Variants in HSP90AA1 observed in about 807,000 individuals in gnomAD.
HSP90AA1 encodes the protein heat shock protein 90 alpha family class A member 1.
Under a neutral mutation model 73.3 loss-of-function variants are expected in HSP90AA1, and 18 were observed. The ratio of observed to expected loss-of-function variants is 0.25; its 90% CI spans 0.17 to 0.36. HSP90AA1 has a LOEUF of 0.36. Among genes scored for constraint, HSP90AA1 ranks in the 10% least tolerant of loss-of-function variants. HSP90AA1 has a pLI of 1.00. For synonymous variants in HSP90AA1, 477 were observed against 296.9 expected, an observed-to-expected ratio of 1.61 and a Z score of -6.24; for missense variants, 704 against 874.2, an observed-to-expected ratio of 0.81 and a Z score of 2.45.
At chr14:102,088,127 C>G (rs2049294320), upstream of HSP90AA1, among the ~76,000 whole-genome samples, 2 of 151,624 alleles carry the variant, frequency 1.3e-5, no homozygotes, top group African/African-American at 4.8e-5. Context: ...CCACACCTGT[C>G]TAGTTTTTGT....
chr14:102,132,668 A>T (rs774396836), intron 1 of HSP90AA1, among the ~76,000 whole-genome samples: 3 of 152,100 alleles, frequency 2.0e-5, no homozygotes, highest in Non-Finnish European at 4.4e-5. Flanking sequence ...CATAAATATC[A>T]ATACAAGGGG....
chr14:102,084,969 G>A lies in HSP90AA1; in HGVS notation c.693C>T (p.Ser231=), dbSNP rs781371629. ...CTTCCTTTTCTTCAGCCTCATCATC[G>A]CTTACTTCTTTATCACGTTCCTTCT... ...FVEKERDKEV[S]DDEAEEKEDK... The change falls in exon 5 of 11, where the codon AGC becomes AGT. Residue 231 remains serine, a synonymous_variant. Transcript: ENST00000216281. 9.3e-6 allele frequency: 15 copies of A among 1,608,862 alleles called. No homozygotes were observed. Among genetic ancestry groups the A allele is most frequent in the East Asian group, 2.2e-5 (1 of 44,818 alleles).
intron 1 of HSP90AA1, among the ~76,000 whole-genome samples, chr14:102,126,354 T>A (rs1335900310): frequency 6.6e-6 from 1 of 152,080 alleles, no homozygotes; most frequent in Non-Finnish European, 1.5e-5. Context: ...CGCAAAAATA[T>A]GAAGAAGATG....
At chr14:102,123,675 T>G (rs1023556698) in intron 1 of HSP90AA1, among the ~76,000 whole-genome samples, 3 of 152,096 alleles carry the variant, frequency 2.0e-5, no homozygotes, top group African/African-American at 4.8e-5. Context: ...TATGTCCAGA[T>G]AGTTTATGAA....
chr14:102,139,021 G>A (rs2152630827), intron 1 of HSP90AA1, among the ~76,000 whole-genome samples: 1 of 152,158 alleles, frequency 6.6e-6, no homozygotes, highest in South Asian at 2.1e-4. Flanking sequence ...CAAGATCAGT[G>A]AATCCTAAAA....
chr14:102,094,772 A>G lies in HSP90AA1; in HGVS notation c.366+7103T>C, dbSNP rs190399528. Reference sequence around the variant, plus strand: ...GTAGGCAGGGGCCAAGGGACTGGAAACGTGGCCTGGAGATCATAGGAGGCA... The same window carrying G: ...GTAGGCAGGGGCCAAGGGACTGGAAGCGTGGCCTGGAGATCATAGGAGGCA... On this transcript the variant is annotated intron_variant, in intron 2 of 11. Transcript: ENST00000334701. 5.1e-4 allele frequency among the ~76,000 whole-genome samples: 78 copies of G among 152,218 alleles called. No homozygotes were observed. In the East Asian group the frequency reaches 0.012, roughly 24 times the overall value.
intron 1 of HSP90AA1, among the ~76,000 whole-genome samples, chr14:102,135,277 C>A (rs1409218894): frequency 2.0e-5 from 3 of 150,794 alleles, no homozygotes; most frequent in Non-Finnish European, 4.4e-5. Flanking sequence ...GGTGTGTTTA[C>A]AAACCTTGAG....
rs1365171740 is a variant in HSP90AA1, at chr14:102,086,975, C to G, written c.-1+11G>C. On this transcript the variant is annotated intron_variant, in intron 1 of 10. Transcript: ENST00000216281. Reference sequence around the variant, plus strand: ...AGTCCACCTCCACAGGCCCCCACAACCACCCGTCACCTTGGCTAAGTGACC... The same window carrying G: ...AGTCCACCTCCACAGGCCCCCACAAGCACCCGTCACCTTGGCTAAGTGACC... 3.0e-6 allele frequency: 3 copies of G among 985,098 alleles called. No homozygotes were observed. Among genetic ancestry groups the G allele is most frequent in the African/African-American group, 3.5e-5 (2 of 57,162 alleles). 61.0% of individuals were successfully genotyped at this position (985,098 alleles called of 1,614,324 possible). A position where few individuals can be genotyped will look rare whatever the true frequency, so the allele number is the denominator to read the frequency against.
chr14:102,086,421 A>C, intron 1 of HSP90AA1, 43 bp from the exon 2 acceptor site: 1 of 1,608,622 alleles, frequency 6.2e-7, no homozygotes, highest in Non-Finnish European at 8.5e-7. Context: ...CAGGACGTCT[A>C]CAGAGGCAAC....
At chr14:102,098,749 G>A (rs917663814) in intron 2 of HSP90AA1, among the ~76,000 whole-genome samples, 1 of 152,144 alleles carries the variant, frequency 6.6e-6, no homozygotes, top group Admixed American at 6.5e-5. Flanking sequence ...AGGCTGGAGT[G>A]CAATGGCACG....
At position 102,085,903 on chromosome 14, in the gene HSP90AA1, G is replaced by A. The variant is rs749368190; in HGVS notation, c.384C>T (p.Ile128=). ...CAACACCGAACTGGCCAATCATAGA[G>A]ATATCTGCACCAGCCTGCAAAGCTT... ...FMEALQAGAD[I]SMIGQFGVGF... Residue 128 remains isoleucine, a synonymous_variant, in exon 3 of 11, where the codon ATC becomes ATT. Transcript: ENST00000216281. 71 of 1,613,846 alleles carry A rather than the reference G, an allele frequency of 4.4e-5. No homozygotes were observed. Among genetic ancestry groups the A allele is most frequent in the Non-Finnish European group, 5.7e-5 (67 of 1,179,874 alleles).
At chr14:102,093,873 C>T (rs991333242) in intron 2 of HSP90AA1, among the ~76,000 whole-genome samples, 1 of 152,140 alleles carries the variant, frequency 6.6e-6, no homozygotes, top group African/African-American at 2.4e-5. Flanking sequence ...ACTCAGGAGG[C>T]TGAGGCAGGA....
chr14:102,113,311 AC>A (rs1235497608), intron 1 of HSP90AA1, among the ~76,000 whole-genome samples: 1 of 151,364 alleles, frequency 6.6e-6, no homozygotes, highest in African/African-American at 2.4e-5. Flanking sequence ...GGTGTGAGCC[AC>A]CGCGCCCGGC....
chr14:102,100,462 G>A (rs1236194105), intron 2 of HSP90AA1, among the ~76,000 whole-genome samples: 3 of 123,922 alleles, frequency 2.4e-5, no homozygotes, highest in Non-Finnish European at 4.9e-5. Context: ...TTTCACTCCT[G>A]TTGCCCAGGC....
At chr14:102,089,256 T>G (rs145683436), upstream of HSP90AA1, among the ~76,000 whole-genome samples, 41 of 152,268 alleles carry the variant, frequency 2.7e-4, no homozygotes, top group East Asian at 7.9e-3. Context: ...TTTGGGGACC[T>G]TCATTTACCC....
At chr14:102,119,551 C>A (rs1403452177) in intron 1 of HSP90AA1, among the ~76,000 whole-genome samples, 5 of 152,182 alleles carry the variant, frequency 3.3e-5, no homozygotes, top group African/African-American at 1.2e-4. Flanking sequence ...AACAGTGGTG[C>A]GATCTCAGTT....
At chr14:102,111,850 C>A (rs931188333) in intron 1 of HSP90AA1, among the ~76,000 whole-genome samples, 4 of 152,230 alleles carry the variant, frequency 2.6e-5, no homozygotes, top group Admixed American at 6.5e-5. Context: ...CATAAAAGAG[C>A]TTTTTTTCCT....
chr14:102,093,815 A>G (rs1434451519), intron 2 of HSP90AA1, among the ~76,000 whole-genome samples: 1 of 152,122 alleles, frequency 6.6e-6, no homozygotes. Flanking sequence ...TCTACTAAAA[A>G]TACAAAGAAT....
intron 10 of HSP90AA1, 33 bp from the exon 11 acceptor site, chr14:102,081,854 G>A: frequency 3.8e-6 from 4 of 1,050,572 alleles, no homozygotes; most frequent in Non-Finnish European, 6.0e-6. Flanking sequence ...ATATTACAAA[G>A]ATTTCTTAAA....
Sources: allele counts gnomAD v4.1 joint callset (sites outside exome capture counted in the v4.1 genomes callset), GRCh38; gene constraint gnomAD v4.1.1; transcripts MANE v1.5; gene names NCBI Gene and HGNC (gene_info 2026-07-23, HGNC 2026-07-21).